FMN2: variants seen among roughly 807,000 people sequenced by gnomAD.
The protein encoded by FMN2 is formin-2.
Under a neutral mutation model 142.3 loss-of-function variants are expected in FMN2, and 51 were observed. The ratio of observed to expected loss-of-function variants is 0.36; its 90% CI spans 0.29 to 0.45. The LOEUF is 0.45. Among genes scored for constraint, FMN2 ranks in the 20% least tolerant of loss-of-function variants. The probability of loss-of-function intolerance (pLI) is 1.00; values close to 1 mark genes in which losing one functional copy is unlikely to be tolerated. For missense variants in FMN2, 1,936 were observed against 2,122.8 expected, an observed-to-expected ratio of 0.91 and a Z score of 1.73; for synonymous variants, 882 against 869.8, an observed-to-expected ratio of 1.01 and a Z score of -0.25.
chr1:240,374,596 T>C (rs1459933735), intron 14 of FMN2, among the ~76,000 whole-genome samples: 1 of 152,178 alleles, frequency 6.6e-6, no homozygotes, highest in African/African-American at 2.4e-5. Flanking sequence ...TTTTCTTCTA[T>C]AGCTTCCTCG....
At chr1:240,397,211 G>C (rs1403400887) in intron 15 of FMN2, among the ~76,000 whole-genome samples, 1 of 152,184 alleles carries the variant, frequency 6.6e-6, no homozygotes, top group Admixed American at 6.5e-5. Context: ...GATTAGCGAT[G>C]TTGAGCATTT....
chr1:240,327,447 G>A (rs1671209091), intron 8 of FMN2, among the ~76,000 whole-genome samples: 1 of 152,052 alleles, frequency 6.6e-6, no homozygotes, highest in African/African-American at 2.4e-5. Context: ...AATTTATCAG[G>A]CTGTAGCTTC....
At chr1:240,209,937 T>A (rs942040024) in intron 5 of FMN2, among the ~76,000 whole-genome samples, 10 of 152,116 alleles carry the variant, frequency 6.6e-5, no homozygotes, top group African/African-American at 2.4e-4. Context: ...AATAAATAAA[T>A]AAAATGCACA....
At chr1:240,288,664 A>T (rs1222982215) in intron 7 of FMN2, among the ~76,000 whole-genome samples, 1 of 152,028 alleles carries the variant, frequency 6.6e-6, no homozygotes, top group Non-Finnish European at 1.5e-5. Context: ...AGAACAGAAC[A>T]GGGGTGATGG....
At chr1:240,302,098 C>T (rs141654036) in intron 8 of FMN2, among the ~76,000 whole-genome samples, 2,054 of 151,982 alleles carry the variant, frequency 0.014, 58 homozygotes, top group African/African-American at 0.047. Context: ...TGTGTACTTT[C>T]ACTGATTCTT....
rs764755974 is a variant in FMN2 at position 240,093,616 on chromosome 1, C to A, written c.1507C>A (p.Leu503Met). The A allele has an allele frequency of 8.4e-6, 12 of 1,426,696 alleles. No homozygotes were observed. Among genetic ancestry groups the A allele is most frequent in the Non-Finnish European group, 1.1e-5 (12 of 1,101,134 alleles). 88.4% of individuals were successfully genotyped at this position (1,426,696 alleles called of 1,614,324 possible). A position where few individuals can be genotyped will look rare whatever the true frequency, so the allele number is the denominator to read the frequency against. The change falls in exon 1 of 18, where the codon CTG becomes ATG. Residue 503 changes from leucine (L) to methionine (M), a missense_variant. Coordinates refer to ENST00000319653, the MANE Select transcript of FMN2 (RefSeq NM_020066.5). ...CCGGGTGGGAGGCTCCGCGCACCTG[C>A]TGGAGCGCGGGGTGGCGAGTGACAG... ...TPRVGGSAHLLERGVASDSGG... is the reference protein window; with the variant it reads ...TPRVGGSAHLMERGVASDSGG...
intron 7 of FMN2, among the ~76,000 whole-genome samples, chr1:240,261,731 T>A (rs1668638891): frequency 6.6e-6 from 1 of 152,192 alleles, no homozygotes; most frequent in Non-Finnish European, 1.5e-5. Flanking sequence ...TTCCTAAGTT[T>A]ATTAATGCGG....
chr1:240,157,116 T>G (rs1041704671), intron 2 of FMN2, among the ~76,000 whole-genome samples: 1 of 152,240 alleles, frequency 6.6e-6, no homozygotes, highest in Non-Finnish European at 1.5e-5. Flanking sequence ...ACAGCTTACA[T>G]TATTTAATAT....
chr1:240,116,100 A>G (rs1314991081), intron 1 of FMN2, among the ~76,000 whole-genome samples: 1 of 152,218 alleles, frequency 6.6e-6, no homozygotes, highest in Non-Finnish European at 1.5e-5. Flanking sequence ...GGACAACCAG[A>G]GGTCGCTTTC....
At chr1:240,415,531 A>AAC (rs67297520) in intron 15 of FMN2, among the ~76,000 whole-genome samples, 1 of 55,550 alleles carries the variant, frequency 1.8e-5, no homozygotes. Context: ...TAAGTATAAT[A>AAC]AAAAAAAAAA....
chr1:240,465,338 G>C (rs1345363454), intron 16 of FMN2, among the ~76,000 whole-genome samples: 1 of 14,734 alleles, frequency 6.8e-5, no homozygotes, highest in South Asian at 1.8e-3. Context: ...CTCTGTGTGT[G>C]TGTGTGTGTG....
In FMN2 at chr1:240,092,261, G is replaced by C. The variant is rs751916061; in HGVS notation, c.152G>C (p.Gly51Ala). 22 of 1,534,258 alleles carry C rather than the reference G, an allele frequency of 1.4e-5. No individual in the cohort carries two copies. Among genetic ancestry groups the C allele is most frequent in the East Asian group, 9.2e-5 (4 of 43,444 alleles). Reference protein sequence around the residue: ...GKKALGKHGKGGGGGGGGGES... With the variant: ...GKKALGKHGKAGGGGGGGGES... The stretch of plus-strand genomic sequence containing the variant: ...AAGGCGCTAGGCAAGCACGGCAAGG[G>C]GGGAGGGGGCGGCGGCGGCGGCGGG... The change falls in exon 1 of 18, where the codon GGG (glycine) becomes GCG (alanine). Residue 51 changes from glycine (G) to alanine (A), a missense_variant. Gly to Ala is a moderately conservative substitution (Grantham distance 60). This residue lies in a region of FMN2 where 751 missense variants were observed against 791.8 expected (regional missense o/e 0.95). Coordinates refer to ENST00000319653, the MANE Select transcript of FMN2 (RefSeq NM_020066.5).
chr1:240,444,684 T>C (rs2103194656), intron 16 of FMN2, among the ~76,000 whole-genome samples: 1 of 152,340 alleles, frequency 6.6e-6, no homozygotes, highest in Admixed American at 6.5e-5. Flanking sequence ...ATTTGAATGT[T>C]TATCCTTAGA....
chr1:240,324,214 A>G (rs1671072974), intron 8 of FMN2, among the ~76,000 whole-genome samples: 1 of 152,200 alleles, frequency 6.6e-6, no homozygotes, highest in South Asian at 2.1e-4. Flanking sequence ...GGACATTCCA[A>G]CTGGGTAATT....
chr1:240,286,109 T>G (rs1669581492), intron 7 of FMN2, among the ~76,000 whole-genome samples: 1 of 152,042 alleles, frequency 6.6e-6, no homozygotes, highest in Admixed American at 6.6e-5. Context: ...TTTTGGTCTT[T>G]TTTCCTGGGA....
At chr1:240,212,941 GTTTT>G (rs919379345) in intron 6 of FMN2, among the ~76,000 whole-genome samples, 7 of 151,898 alleles carry the variant, frequency 4.6e-5, no homozygotes, top group African/African-American at 1.7e-4. Flanking sequence ...GTTTTTTTGT[GTTTT>G]TTTGTTTGTT....
chr1:240,361,141 GTATATATATATATATATA>G lies in FMN2; in HGVS notation c.4858+5260_4858+5277del, dbSNP rs202070560. On this transcript the variant is annotated intron_variant, in intron 14 of 17. Coordinates refer to ENST00000319653, the MANE Select transcript of FMN2 (RefSeq NM_020066.5). The stretch of plus-strand genomic sequence containing the variant: ...ATAATAATAATAAATAAATATATGT[GTATATATATATATATATA>G]TATATATATATATATATATATATAT... Among the ~76,000 whole-genome samples the G allele has an allele frequency of 3.7e-3, 159 of 43,240 alleles. 1 individual carries two copies. The highest frequency in any genetic ancestry group is 0.013 in the Admixed American group (42 of 3,214). 28.4% of individuals were successfully genotyped at this position (43,240 alleles called of 152,430 possible).
intron 16 of FMN2, among the ~76,000 whole-genome samples, chr1:240,450,189 T>A (rs1675962653): frequency 6.6e-6 from 1 of 152,162 alleles, no homozygotes; most frequent in Admixed American, 6.6e-5. Flanking sequence ...AAAACAGCAT[T>A]ACAGCTAATA....
At position 240,208,409 on chromosome 1, in the gene FMN2, C is replaced by T; in HGVS notation, c.3597C>T (p.Pro1199=). Residue 1199 remains proline (P), a synonymous_variant, in exon 5 of 18, where the codon CCC becomes CCT. Coordinates refer to ENST00000319653, the MANE Select transcript of FMN2 (RefSeq NM_020066.5). ...CTGGAGTGGGAATACCTCCTCCGCCCCCTCTACCTGGTGCTGGGATTCCCC... is the reference window on the plus strand; with the variant it reads ...CTGGAGTGGGAATACCTCCTCCGCCTCCTCTACCTGGTGCTGGGATTCCCC... ...PLPGVGIPPP[P]PLPGAGIPPP... 6.3e-7 allele frequency: 1 copy of T among 1,588,158 alleles called. No individual in the cohort carries two copies. The highest frequency in any genetic ancestry group is 8.6e-7 in the Non-Finnish European group (1 of 1,159,758).
Sources: gnomAD v4.1 joint callset for allele counts (sites outside exome capture counted in the v4.1 genomes callset) on GRCh38, gnomAD v4.1.1 for gene constraint, gnomAD v4.1.1 regional missense constraint, MANE v1.5 for transcripts, NCBI Gene and HGNC (gene_info 2026-07-23, HGNC 2026-07-21) for gene names.